The following DTNBP1 variants were observed in gnomAD, a reference collection of about 807,000 sequenced individuals.
DTNBP1 encodes dystrobrevin binding protein 1.
A neutral mutation model predicts 42.8 loss-of-function variants in DTNBP1; 35 were observed. That is an observed-to-expected ratio of 0.82 (90% CI 0.63 to 1.09). The LOEUF (loss-of-function observed/expected upper bound fraction) is 1.09, where lower values mean the gene tolerates loss of function less well. Among genes scored for constraint, DTNBP1 ranks in the 50% least tolerant of loss-of-function variants. The probability of loss-of-function intolerance (pLI) is 0.00; values close to 1 mark genes in which losing one functional copy is unlikely to be tolerated. For synonymous variants in DTNBP1, 171 were observed against 162.2 expected (o/e 1.05, Z -0.41); for missense variants, 457 against 424.2 (o/e 1.08, Z -0.68).
At chr6:15,615,449 A>G (rs767682664) in intron 5 of DTNBP1, 50 bp from the exon 6 acceptor site, 3 of 1,605,694 alleles carry the variant, frequency 1.9e-6, no homozygotes, top group South Asian at 2.2e-5. Context: ...ATCCTCAATC[A>G]TGATGAATAC....
intron 4 of DTNBP1, among the ~76,000 whole-genome samples, chr6:15,636,726 T>C (rs187651634): frequency 6.6e-6 from 1 of 152,324 alleles, no homozygotes; most frequent in East Asian, 1.9e-4. Flanking sequence ...AGACAAAGTC[T>C]CCTATTCCCA....
intron 6 of DTNBP1, chr6:15,595,043 T>A (rs1005340947): frequency 2.2e-6 from 1 of 448,712 alleles, no homozygotes; most frequent in Non-Finnish European, 4.5e-6. Context: ...ACCGTCTGTC[T>A]GCTGCTGTGA....
At chr6:15,636,481 T>C (rs529539574) in intron 4 of DTNBP1, among the ~76,000 whole-genome samples, 30 of 152,292 alleles carry the variant, frequency 2.0e-4, no homozygotes, top group African/African-American at 7.0e-4. Context: ...TAGAGGTTCT[T>C]TGATCAGGCA....
At chr6:15,622,023 G>A (rs1282482647) in intron 5 of DTNBP1, among the ~76,000 whole-genome samples, 1 of 152,162 alleles carries the variant, frequency 6.6e-6, no homozygotes, top group Non-Finnish European at 1.5e-5. Flanking sequence ...TAAAGGTGCA[G>A]ACTGTATTTT....
intron 6 of DTNBP1, among the ~76,000 whole-genome samples, chr6:15,609,291 C>T (rs1170639632): frequency 6.6e-6 from 1 of 151,754 alleles, no homozygotes; most frequent in African/African-American, 2.4e-5. Context: ...ACAAGATGTT[C>T]CCATATATCT....
At chr6:15,537,280 G>A (rs1297340582) in intron 7 of DTNBP1, among the ~76,000 whole-genome samples, 1 of 152,032 alleles carries the variant, frequency 6.6e-6, no homozygotes, top group African/African-American at 2.4e-5. Flanking sequence ...AAAATTAGCT[G>A]GGCATGGTGG....
intron 7 of DTNBP1, among the ~76,000 whole-genome samples, chr6:15,580,325 A>G (rs1701715509): frequency 6.6e-6 from 1 of 152,258 alleles, no homozygotes; most frequent in Non-Finnish European, 1.5e-5. Context: ...AAAGTCACAG[A>G]CATTGCTAAT....
chr6:15,537,365 G>A (rs11961759), intron 7 of DTNBP1, among the ~76,000 whole-genome samples: 3,577 of 151,872 alleles, frequency 0.024, 144 homozygotes, highest in African/African-American at 0.081. Context: ...GGAGGCAGAG[G>A]TTGCAGTGAG....
chr6:15,586,795 A>G (rs1368172588), intron 7 of DTNBP1, among the ~76,000 whole-genome samples: 1 of 152,188 alleles, frequency 6.6e-6, no homozygotes, highest in East Asian at 1.9e-4. Flanking sequence ...TAAGATCACC[A>G]ATTAGCTTCT....
At chr6:15,542,182 T>C (rs1005438090) in intron 7 of DTNBP1, among the ~76,000 whole-genome samples, 1 of 152,202 alleles carries the variant, frequency 6.6e-6, no homozygotes, top group Non-Finnish European at 1.5e-5. Flanking sequence ...ACATGTGACA[T>C]GATCAAGAGA....
intron 7 of DTNBP1, among the ~76,000 whole-genome samples, chr6:15,553,271 C>T: frequency 6.6e-6 from 1 of 151,924 alleles, no homozygotes. Context: ...CAGACACAAA[C>T]ACTTTGAGGG....
chr6:15,642,174 C>G (rs942396092), intron 3 of DTNBP1, among the ~76,000 whole-genome samples: 1 of 152,188 alleles, frequency 6.6e-6, no homozygotes, highest in South Asian at 2.1e-4. Context: ...AGACAAGTTG[C>G]AGAGTTGTCT....
chr6:15,523,328 T>C lies in DTNBP1; in HGVS notation c.812-109A>G. ...CGTCATGAAAGGGGGGTGTGGTTTT[T>C]GTTCCAGGCACCTGGGGCCTGCAGA... On this transcript the variant is annotated intron_variant, in intron 9 of 9. Transcript: ENST00000344537. 2.7e-6 allele frequency: 4 copies of C among 1,482,198 alleles called. No homozygotes were observed. In the South Asian group the frequency reaches 4.6e-5, roughly 17 times the overall value. The allele number at this position is 1,482,198 out of a possible 1,614,324, so 91.8% of individuals were successfully genotyped here.
At position 15,573,239 on chromosome 6, in the gene DTNBP1, A is replaced by G. The variant is rs565928775; in HGVS notation, c.511+19820T>C. Among the ~76,000 whole-genome samples, 4 of 152,332 alleles carry G rather than the reference A, an allele frequency of 2.6e-5. No individual in the cohort carries two copies. The South Asian group carries it at 6.2e-4, about 24-fold the overall frequency. ...TCAACATTAGTTTACTGAAGTAGAC[A>G]TTGTTCTTTTACATCTTTATCACCA... is the stretch of plus-strand genomic sequence containing the variant. On this transcript the variant is annotated intron_variant, in intron 7 of 9. Coordinates refer to ENST00000344537, the MANE Select transcript of DTNBP1 (RefSeq NM_032122.5).
chr6:15,523,450 T>C, intron 9 of DTNBP1: 1 of 1,294,710 alleles, frequency 7.7e-7, no homozygotes, highest in Non-Finnish European at 1.0e-6. Flanking sequence ...GTCAGCCACA[T>C]GTGACACAGA....
chr6:15,584,634 T>G (rs1249675073), intron 7 of DTNBP1, among the ~76,000 whole-genome samples: 1 of 151,590 alleles, frequency 6.6e-6, no homozygotes, highest in Non-Finnish European at 1.5e-5. Context: ...CTCTTAAGTT[T>G]GATATACCTT....
chr6:15,624,668 G>C (rs1173697735), intron 5 of DTNBP1, among the ~76,000 whole-genome samples: 4 of 152,176 alleles, frequency 2.6e-5, no homozygotes, highest in African/African-American at 7.2e-5. Context: ...CAAGTTCAAA[G>C]AAGTTAGGGG....
At chr6:15,603,699 T>G (rs1226956701) in intron 6 of DTNBP1, among the ~76,000 whole-genome samples, 2 of 152,222 alleles carry the variant, frequency 1.3e-5, no homozygotes, top group Non-Finnish European at 2.9e-5. Context: ...TGCTTTATGA[T>G]TTGCTAAGCA....
chr6:15,566,052 C>T (rs1285893258), intron 7 of DTNBP1, among the ~76,000 whole-genome samples: 1 of 152,172 alleles, frequency 6.6e-6, no homozygotes, highest in African/African-American at 2.4e-5. Flanking sequence ...AAATTCTTCA[C>T]GCCTGTAATC....
Sources: allele counts gnomAD v4.1 joint callset (sites outside exome capture counted in the v4.1 genomes callset), GRCh38; gene constraint gnomAD v4.1.1; transcripts MANE v1.5; gene names NCBI Gene and HGNC (gene_info 2026-07-23, HGNC 2026-07-21).